The following DLGAP2 variants were observed in gnomAD, a reference collection of about 807,000 sequenced individuals.
The protein encoded by DLGAP2 is DLG associated protein 2, also known as disks large-associated protein 2.
In DLGAP2, 26 loss-of-function variants were observed where a neutral mutation model predicts 100.3. The observed-to-expected ratio is 0.26, with a 90% CI of 0.19 to 0.36. The LOEUF (loss-of-function observed/expected upper bound fraction) is 0.36. Ranked by LOEUF, DLGAP2 falls within the 10% of genes least tolerant of loss-of-function variation. The pLI, the probability that DLGAP2 is intolerant of heterozygous loss-of-function variation, is 1.00. For missense variants in DLGAP2, 1,858 were observed against 1,453.2 expected (o/e 1.28, Z -4.53); for synonymous variants, 886 against 630.1 (o/e 1.41, Z -6.08).
intron 6 of DLGAP2, among the ~76,000 whole-genome samples, chr8:1,598,498 C>CT (rs1223645610): frequency 3.3e-5 from 5 of 151,838 alleles, no homozygotes; most frequent in African/African-American, 7.3e-5. Context: ...TGATCCTGGG[C>CT]TTTTTTTTGT....
intron 2 of DLGAP2, among the ~76,000 whole-genome samples, chr8:1,168,675 T>C (rs547314729): frequency 0.017 from 2,487 of 143,152 alleles, 94 homozygotes; most frequent in African/African-American, 0.067. Flanking sequence ...TGCATAAATG[T>C]CTTCTTTTGA....
At chr8:798,170 C>T (rs1295445325) in intron 1 of DLGAP2, among the ~76,000 whole-genome samples, 5 of 152,272 alleles carry the variant, frequency 3.3e-5, no homozygotes, top group Non-Finnish European at 7.3e-5. Context: ...TCCTGGCACT[C>T]CCCGTGGTGC....
chr8:1,195,541 C>T (rs937036765), intron 2 of DLGAP2, among the ~76,000 whole-genome samples: 2 of 152,224 alleles, frequency 1.3e-5, no homozygotes, highest in Non-Finnish European at 2.9e-5. Flanking sequence ...TATCCAATTA[C>T]TTGGTACCTT....
intron 8 of DLGAP2, among the ~76,000 whole-genome samples, chr8:1,639,694 G>C (rs1338270713): frequency 6.6e-6 from 1 of 152,246 alleles, no homozygotes; most frequent in African/African-American, 2.4e-5. Flanking sequence ...GTCTAAAGTA[G>C]GTTCTGTGGG....
At chr8:1,350,189 G>C (rs1196138633) in intron 3 of DLGAP2, among the ~76,000 whole-genome samples, 3 of 150,918 alleles carry the variant, frequency 2.0e-5, no homozygotes, top group African/African-American at 7.3e-5. Context: ...AAGGCCGCGC[G>C]GGTCCTGAGT....
chr8:1,548,617 TC>T lies in DLGAP2; in HGVS notation c.173-5del. 1 of 1,490,966 alleles carries T rather than the reference TC, an allele frequency of 6.7e-7. No individual in the cohort carries two copies. The allele number at this position is 1,490,966 out of a possible 1,614,324, so 92.4% of individuals were successfully genotyped here. On this transcript the variant is annotated splice_polypyrimidine_tract_variant and splice_region_variant and intron_variant, in intron 4 of 14. Transcript: ENST00000637795. ...CCGGGTGTTCAATGCCGTTTCTGTTTCCCCACAGACCCGCAGTACTCATGGT... is the reference window on the plus strand; with the variant it reads ...CCGGGTGTTCAATGCCGTTTCTGTTTCCCACAGACCCGCAGTACTCATGGT...
At chr8:1,699,098 G>T (rs1799497170) in intron 14 of DLGAP2, among the ~76,000 whole-genome samples, 2 of 152,232 alleles carry the variant, frequency 1.3e-5, no homozygotes, top group Non-Finnish European at 2.9e-5. Context: ...TGTTCAAACG[G>T]AACGTACTGA....
chr8:774,750 A>T (rs12171635), intron 1 of DLGAP2, among the ~76,000 whole-genome samples: 32,292 of 149,016 alleles, frequency 0.22, 3,961 homozygotes, highest in Non-Finnish European at 0.29. Flanking sequence ...TGGTTACTGT[A>T]GCCTTGTAGT....
chr8:1,151,566 T>C (rs190722786), intron 2 of DLGAP2, among the ~76,000 whole-genome samples: 2 of 152,290 alleles, frequency 1.3e-5, no homozygotes, highest in East Asian at 3.9e-4. Flanking sequence ...CCGGTTGTTC[T>C]TTGCCTGGTG....
intron 1 of DLGAP2, among the ~76,000 whole-genome samples, chr8:778,992 G>C (rs1821610584): frequency 6.6e-6 from 1 of 152,246 alleles, no homozygotes; most frequent in African/African-American, 2.4e-5. Context: ...CAATCAGCGA[G>C]ACTCCGTGGG....
Position 1,335,059 on chromosome 8 carries a change from G to T in DLGAP2, c.106+76176G>T, listed in dbSNP as rs1585270874. 2.0e-5 allele frequency among the ~76,000 whole-genome samples: 3 copies of T among 152,256 alleles called. No individual in the cohort carries two copies. The South Asian group carries it at 6.2e-4, about 32-fold the overall frequency. On this transcript the variant is annotated intron_variant, in intron 3 of 14. Transcript: ENST00000637795. ...GTTGCTGCATTGTCTAGAAATTCAG[G>T]GCAAACCATAGTTCTAGGAACCATG...
chr8:1,233,585 C>T (rs34288463), intron 2 of DLGAP2, among the ~76,000 whole-genome samples: 67,389 of 151,882 alleles, frequency 0.44, 15,891 homozygotes, highest in Middle Eastern at 0.54. Flanking sequence ...ATGCAAGGGG[C>T]GAAGATGGAA....
At chr8:1,355,765 C>T (rs1801834198) in intron 3 of DLGAP2, among the ~76,000 whole-genome samples, 1 of 152,122 alleles carries the variant, frequency 6.6e-6, no homozygotes, top group Admixed American at 6.5e-5. Flanking sequence ...ACAAGTGCCC[C>T]ACAGCTGTGT....
intron 13 of DLGAP2, among the ~76,000 whole-genome samples, chr8:1,693,654 G>A (rs111900358): frequency 6.6e-6 from 1 of 152,128 alleles, no homozygotes; most frequent in Admixed American, 6.6e-5. Flanking sequence ...AGCCAGAGTT[G>A]CCATCTCATG....
chr8:1,187,221 G>A (rs896785304), intron 2 of DLGAP2, among the ~76,000 whole-genome samples: 4 of 151,992 alleles, frequency 2.6e-5, no homozygotes, highest in African/African-American at 7.2e-5. Context: ...AATTTCACAC[G>A]GGACCTCCGT....
intron 6 of DLGAP2, among the ~76,000 whole-genome samples, chr8:1,576,214 G>T (rs575646936): frequency 3.3e-5 from 5 of 152,152 alleles, no homozygotes; most frequent in Non-Finnish European, 5.9e-5. Context: ...TTCTCTGATG[G>T]CCAGTGATGA....
intron 2 of DLGAP2, among the ~76,000 whole-genome samples, chr8:1,077,332 G>A (rs946816830): frequency 6.6e-5 from 10 of 152,132 alleles, no homozygotes; most frequent in Non-Finnish European, 5.9e-5. Flanking sequence ...CCCCTGCAGG[G>A]CACAGTTCTA....
At chr8:1,139,664 CT>C (rs1796486650) in intron 2 of DLGAP2, among the ~76,000 whole-genome samples, 1 of 152,136 alleles carries the variant, frequency 6.6e-6, no homozygotes, top group South Asian at 2.1e-4. Context: ...CAGGGAGACA[CT>C]TTATCAAGGG....
chr8:1,084,283 A>C (rs1486980687), intron 2 of DLGAP2, among the ~76,000 whole-genome samples: 1 of 152,254 alleles, frequency 6.6e-6, no homozygotes, highest in Non-Finnish European at 1.5e-5. Flanking sequence ...TTATAGTTGC[A>C]TACTTTATGG....
Sources: allele counts gnomAD v4.1 joint callset (sites outside exome capture counted in the v4.1 genomes callset), GRCh38; gene constraint gnomAD v4.1.1; transcripts MANE v1.5; gene names NCBI Gene and HGNC (gene_info 2026-07-23, HGNC 2026-07-21).